The following CLCN3 variants were observed in gnomAD, a reference collection of about 807,000 sequenced individuals.
The protein encoded by CLCN3 is H(+)/Cl(-) exchange transporter 3.
In CLCN3, 16 loss-of-function variants were observed where a neutral mutation model predicts 83.4. The ratio of observed to expected loss-of-function variants is 0.19; its 90% CI spans 0.13 to 0.29. The LOEUF is 0.29. CLCN3 is among the 10% of genes least tolerant of loss of function. The probability of loss-of-function intolerance (pLI) is 1.00; values close to 1 mark genes in which losing one functional copy is unlikely to be tolerated. For missense variants in CLCN3, 544 were observed against 1,006.0 expected (o/e 0.54, Z 6.21); for synonymous variants, 322 against 346.2 (o/e 0.93, Z 0.78).
rs780927649 is a variant in CLCN3 at position 169,720,026 on chromosome 4, G to A, written c.*29G>A. 8.1e-6 allele frequency: 13 copies of A among 1,613,408 alleles called. No homozygotes were observed. The highest frequency in any genetic ancestry group is 1.6e-4 in the Middle Eastern group (1 of 6,062). ...TCACAGATGAGGAGAGAGAAGAAACGGAAGAGGAAGTTTATTTGTTGAATA... is the reference window on the plus strand; with the variant it reads ...TCACAGATGAGGAGAGAGAAGAAACAGAAGAGGAAGTTTATTTGTTGAATA... On this transcript the variant is annotated 3_prime_UTR_variant, in exon 13 of 13. Coordinates refer to ENST00000513761, the MANE Select transcript of CLCN3 (RefSeq NM_001829.4).
Position 169,717,949 on chromosome 4 carries a change from T to G in CLCN3, c.2367-1958T>G, listed in dbSNP as rs1733487746. On this transcript the variant is annotated intron_variant, in intron 12 of 12. Coordinates refer to ENST00000513761, the MANE Select transcript of CLCN3 (RefSeq NM_001829.4). ...ACTTGTGAACTGTTGAGTTCTGTCT[T>G]TCCCAGATATCTGCTGAACAAAAAT... The G allele has an allele frequency of 3.5e-6, 3 of 859,470 alleles. No homozygotes were observed. The South Asian group carries it at 4.7e-5, about 14-fold the overall frequency. The allele number at this position is 859,470 out of a possible 1,614,324, so 53.2% of individuals were successfully genotyped here.
At chr4:169,639,250 T>G (rs985988201) in intron 2 of CLCN3, among the ~76,000 whole-genome samples, 4 of 152,244 alleles carry the variant, frequency 2.6e-5, no homozygotes, top group Non-Finnish European at 5.9e-5. Flanking sequence ...CAGGCTGGTT[T>G]TGAACTTTTA....
chr4:169,675,683 T>A (rs552095660), intron 2 of CLCN3, among the ~76,000 whole-genome samples: 16 of 152,204 alleles, frequency 1.1e-4, no homozygotes, highest in Non-Finnish European at 2.1e-4. Context: ...AAATTATGTA[T>A]GAGGTTTTCA....
Position 169,632,266 on chromosome 4 carries a change from G to A in CLCN3, c.-16-3647G>A, listed in dbSNP as rs186552076. Among the ~76,000 whole-genome samples, 1,041 of 152,268 alleles carry A rather than the reference G, an allele frequency of 6.8e-3. 5 individuals carry two copies. Among genetic ancestry groups the A allele is most frequent in the Non-Finnish European group, 0.011 (746 of 68,026 alleles). ...AGGAAAGAGCTTGATAGGACTGAGA[G>A]ATTGAAAGATCAGTGAGTCTAGAGT... On this transcript the variant is annotated intron_variant, in intron 1 of 12. Coordinates refer to ENST00000513761, the MANE Select transcript of CLCN3 (RefSeq NM_001829.4).
Position 169,620,705 on chromosome 4 carries a change from T to A in CLCN3, c.-375T>A. 2.5e-6 allele frequency: 1 copy of A among 398,646 alleles called. No individual in the cohort carries two copies. The highest frequency in any genetic ancestry group is 4.4e-6 in the Non-Finnish European group (1 of 226,088). 24.7% of individuals were successfully genotyped at this position (398,646 alleles called of 1,614,324 possible). A position where few individuals can be genotyped will look rare whatever the true frequency, so the allele number is the denominator to read the frequency against. On this transcript the variant is annotated 5_prime_UTR_variant, in exon 1 of 13. Coordinates refer to ENST00000513761, the MANE Select transcript of CLCN3 (RefSeq NM_001829.4). ...GTGGTGGGTTGAAAGCCATCCTACT[T>A]TACTCCCGAGTTAGAGCATGGATTC...
At chr4:169,627,357 A>G (rs921394111) in intron 1 of CLCN3, among the ~76,000 whole-genome samples, 20 of 152,110 alleles carry the variant, frequency 1.3e-4, no homozygotes, top group African/African-American at 4.1e-4. Context: ...TCCCTCTATT[A>G]AGTGCTTACG....
intron 1 of CLCN3, among the ~76,000 whole-genome samples, chr4:169,631,344 T>A (rs902179845): frequency 1.3e-5 from 2 of 152,200 alleles, no homozygotes; most frequent in Admixed American, 1.3e-4. Context: ...TGGAGTGCAG[T>A]GGCGCAATCT....
intron 1 of CLCN3, among the ~76,000 whole-genome samples, chr4:169,628,135 T>G (rs1773279903): frequency 6.6e-6 from 1 of 152,214 alleles, no homozygotes. Flanking sequence ...CCTCAACCTA[T>G]GTCTCATACC....
intron 2 of CLCN3, among the ~76,000 whole-genome samples, chr4:169,636,744 T>TTTC: frequency 2.0e-5 from 3 of 151,644 alleles, no homozygotes; most frequent in Middle Eastern, 3.4e-3. Flanking sequence ...GGTTTTTTTT[T>TTTC]TTTTTTTCAT....
At chr4:169,642,934 T>C (rs9994724) in intron 2 of CLCN3, 150,499 of 152,326 alleles carry the variant, frequency 0.99, 74,368 homozygotes, top group East Asian at 1. Flanking sequence ...GATGTTCTGG[T>C]AGGATTCATA....
intron 2 of CLCN3, among the ~76,000 whole-genome samples, chr4:169,649,842 G>A (rs1436850850): frequency 1.3e-5 from 2 of 152,176 alleles, no homozygotes; most frequent in African/African-American, 4.8e-5. Context: ...CCAGCACTTT[G>A]GGAGGCCGAA....
intron 2 of CLCN3, among the ~76,000 whole-genome samples, chr4:169,653,287 AGT>A (rs1227965465): frequency 6.6e-6 from 1 of 151,788 alleles, no homozygotes; most frequent in Non-Finnish European, 1.5e-5. Context: ...TCATATAGAT[AGT>A]GTGTTAGTCT....
intron 9 of CLCN3, among the ~76,000 whole-genome samples, chr4:169,703,167 G>T (rs894161384): frequency 6.6e-6 from 1 of 152,188 alleles, no homozygotes; most frequent in African/African-American, 2.4e-5. Flanking sequence ...AGTATTGAGA[G>T]AATTAGCAAA....
At chr4:169,678,989 C>A (rs1437164115) in intron 2 of CLCN3, among the ~76,000 whole-genome samples, 4 of 151,544 alleles carry the variant, frequency 2.6e-5, no homozygotes, top group African/African-American at 7.3e-5. Context: ...ACTGGGCGGC[C>A]GGGCGGAGGC....
At chr4:169,664,408 A>G (rs10027932) in intron 2 of CLCN3, among the ~76,000 whole-genome samples, 11,459 of 152,100 alleles carry the variant, frequency 0.075, 1,399 homozygotes, top group African/African-American at 0.26. Flanking sequence ...TTTGCACATT[A>G]TTTGAAAATC....
intron 2 of CLCN3, chr4:169,663,510 A>ATTTTT: frequency 4.1e-6 from 1 of 245,786 alleles, no homozygotes; most frequent in Non-Finnish European, 8.1e-6. Context: ...AAAAAACAAA[A>ATTTTT]TTTTTTTTTT....
chr4:169,661,813 C>G (rs928154642), intron 2 of CLCN3, among the ~76,000 whole-genome samples: 2 of 151,856 alleles, frequency 1.3e-5, no homozygotes, highest in African/African-American at 2.4e-5. Flanking sequence ...CTTAATGTTA[C>G]GATCATAAAT....
chr4:169,640,434 A>G (rs1472033594), intron 2 of CLCN3, among the ~76,000 whole-genome samples: 1 of 152,232 alleles, frequency 6.6e-6, no homozygotes, highest in Non-Finnish European at 1.5e-5. Context: ...AATGTAATCA[A>G]TCTGCTCAGA....
intron 2 of CLCN3, among the ~76,000 whole-genome samples, chr4:169,675,567 T>C (rs1173010030): frequency 6.6e-6 from 1 of 152,212 alleles, no homozygotes; most frequent in Middle Eastern, 3.2e-3. Flanking sequence ...AATAATGAGC[T>C]ACATTTTCAA....
Sources: allele counts gnomAD v4.1 joint callset (sites outside exome capture counted in the v4.1 genomes callset), GRCh38; gene constraint gnomAD v4.1.1; transcripts MANE v1.5; gene names NCBI Gene and HGNC (gene_info 2026-07-23, HGNC 2026-07-21).